LTBP1: variants seen among roughly 807,000 people sequenced by gnomAD.
LTBP1 encodes latent transforming growth factor beta binding protein 1.
LTBP1 carries 129 observed loss-of-function variants against 207.6 expected under a neutral mutation model. The ratio of observed to expected loss-of-function variants is 0.62; its 90% CI spans 0.54 to 0.72. The LOEUF is 0.72. Ranked by LOEUF, LTBP1 falls within the 30% of genes least tolerant of loss-of-function variation. The pLI, the probability that LTBP1 is intolerant of heterozygous loss-of-function variation, is 0.00. For missense variants in LTBP1, 2,281 were observed against 2,217.2 expected (o/e 1.03, Z -0.58); for synonymous variants, 963 against 833.7 (o/e 1.16, Z -2.67).
In LTBP1 at chr2:33,229,648, G is replaced by A. The variant is rs188375507; in HGVS notation, c.1876+7497G>A. 3.0e-4 allele frequency among the ~76,000 whole-genome samples: 46 copies of A among 152,322 alleles called. No individual in the cohort carries two copies. The East Asian group carries it at 8.7e-3, about 29-fold the overall frequency. On this transcript the variant is annotated intron_variant, in intron 9 of 33. Coordinates refer to ENST00000404816, the MANE Select transcript of LTBP1 (RefSeq NM_206943.4). Reference sequence around the variant, plus strand: ...TAATCACTTGCTATCTATTTTGTATGTTAGAATGGAGACTTATTCAAGTAA... The same window carrying A: ...TAATCACTTGCTATCTATTTTGTATATTAGAATGGAGACTTATTCAAGTAA...
chr2:33,057,951 A>T (rs1464734970), intron 3 of LTBP1, among the ~76,000 whole-genome samples: 1 of 152,260 alleles, frequency 6.6e-6, no homozygotes, highest in East Asian at 1.9e-4. Flanking sequence ...GCCAAGAGCG[A>T]GCGAGGGCTG....
chr2:33,321,771 C>T (rs762914935), intron 24 of LTBP1, among the ~76,000 whole-genome samples: 1 of 152,136 alleles, frequency 6.6e-6, no homozygotes, highest in Non-Finnish European at 1.5e-5. Flanking sequence ...AAACTGAAAA[C>T]TGTACTAAGA....
chr2:32,982,384 C>T lies in LTBP1; in HGVS notation c.565+33439C>T, dbSNP rs148717240. On this transcript the variant is annotated intron_variant, in intron 2 of 33. Coordinates refer to ENST00000404816, the MANE Select transcript of LTBP1 (RefSeq NM_206943.4). Reference sequence around the variant, plus strand: ...TATAAAAGTTTGGAAAATTTGCAGCCTGATGATGAAGTAGAAAAGAAAAAC... The same window carrying T: ...TATAAAAGTTTGGAAAATTTGCAGCTTGATGATGAAGTAGAAAAGAAAAAC... Among the ~76,000 whole-genome samples the T allele has an allele frequency of 1.6e-3, 245 of 152,204 alleles. 1 individual carries two copies. The highest frequency in any genetic ancestry group is 5.9e-3 in the African/African-American group (243 of 41,504).
At chr2:33,054,858 T>C (rs941525229) in intron 3 of LTBP1, among the ~76,000 whole-genome samples, 1 of 152,266 alleles carries the variant, frequency 6.6e-6, no homozygotes, top group African/African-American at 2.4e-5. Context: ...GGTTGGGGGC[T>C]TCTGACCCAG....
intron 3 of LTBP1, among the ~76,000 whole-genome samples, chr2:33,062,821 T>C (rs1443550292): frequency 6.6e-6 from 1 of 152,204 alleles, no homozygotes; most frequent in African/African-American, 2.4e-5. Flanking sequence ...GTGTGGGTAG[T>C]ATGTGCAGTG....
At chr2:33,122,541 A>G (rs1013207264) in intron 4 of LTBP1, among the ~76,000 whole-genome samples, 1 of 152,228 alleles carries the variant, frequency 6.6e-6, no homozygotes, top group African/African-American at 2.4e-5. Flanking sequence ...TGTTGACGAA[A>G]TTAGATTAAT....
At chr2:33,226,585 C>A (rs1457376200) in intron 9 of LTBP1, among the ~76,000 whole-genome samples, 1 of 152,186 alleles carries the variant, frequency 6.6e-6, no homozygotes, top group Non-Finnish European at 1.5e-5. Context: ...CTGTAAATTG[C>A]TGGCTAGCTA....
intron 5 of LTBP1, among the ~76,000 whole-genome samples, chr2:33,177,627 C>G (rs2086194877): frequency 6.6e-6 from 1 of 152,140 alleles, no homozygotes; most frequent in African/African-American, 2.4e-5. Flanking sequence ...GAGATCACAC[C>G]ACTACATTCC....
chr2:33,315,082 G>T, intron 23 of LTBP1, 62 bp from the exon 24 acceptor site: 3 of 1,333,520 alleles, frequency 2.2e-6, no homozygotes, highest in East Asian at 2.3e-5. Context: ...CCATCTGTTT[G>T]ATAGTATATG....
chr2:33,165,954 G>A (rs1359985277), intron 5 of LTBP1, among the ~76,000 whole-genome samples: 4 of 151,988 alleles, frequency 2.6e-5, no homozygotes, highest in African/African-American at 4.8e-5. Flanking sequence ...GGTGTAAAAT[G>A]CATTCTTCTT....
In LTBP1 at chr2:33,273,747, C is replaced by G. The variant is rs1346452580; in HGVS notation, c.2709C>G (p.Gly903=). The G allele has an allele frequency of 6.2e-7, 1 of 1,610,060 alleles. No individual in the cohort carries two copies. The highest frequency in any genetic ancestry group is 8.5e-7 in the Non-Finnish European group (1 of 1,178,118). The change falls in exon 16 of 34, where the codon GGC becomes GGG. Residue 903 remains glycine, a synonymous_variant. Coordinates refer to ENST00000404816, the MANE Select transcript of LTBP1 (RefSeq NM_206943.4). ...PVRYTCICYE[G]YRFSEQQRKC... is the part of the protein sequence containing the mutation. ...GATATACCTGTATATGCTACGAGGG[C>G]TACAGGTTCAGTGAACAACAGAGGA...
At chr2:33,242,939 A>C (rs563187812) in intron 9 of LTBP1, among the ~76,000 whole-genome samples, 1 of 152,226 alleles carries the variant, frequency 6.6e-6, no homozygotes, top group African/African-American at 2.4e-5. Flanking sequence ...ATGCAGCCTG[A>C]ATTGTACCAG....
intron 3 of LTBP1, among the ~76,000 whole-genome samples, chr2:33,041,465 G>T (rs1002125048): frequency 7.2e-5 from 11 of 151,952 alleles, no homozygotes; most frequent in Non-Finnish European, 1.6e-4. Context: ...TTGTATTTCA[G>T]TAGAGATAGG....
chr2:33,345,169 T>A (rs535707963), intron 25 of LTBP1, among the ~76,000 whole-genome samples: 10 of 152,388 alleles, frequency 6.6e-5, no homozygotes, highest in African/African-American at 2.4e-4. Flanking sequence ...CTACTCATCC[T>A]TCAGCTATTT....
intron 2 of LTBP1, among the ~76,000 whole-genome samples, chr2:32,972,993 G>C (rs1681141792): frequency 6.6e-6 from 1 of 152,146 alleles, no homozygotes; most frequent in African/African-American, 2.4e-5. Context: ...ATTGTGTTGT[G>C]GGTCCAAGGG....
At chr2:33,277,783 T>TTCTTTCTC in intron 18 of LTBP1, among the ~76,000 whole-genome samples, 1 of 76,690 alleles carries the variant, frequency 1.3e-5, no homozygotes, top group Non-Finnish European at 3.0e-5. Flanking sequence ...CTTTCTTTCT[T>TTCTTTCTC]TCTTTCTTTC....
chr2:33,236,530 C>T (rs1396882683), intron 9 of LTBP1, among the ~76,000 whole-genome samples: 1 of 152,144 alleles, frequency 6.6e-6, no homozygotes, highest in African/African-American at 2.4e-5. Flanking sequence ...CTGGTGTGTC[C>T]TCTTACTATG....
chr2:33,192,649 T>G lies in LTBP1; in HGVS notation c.1701+3798T>G, dbSNP rs543801903. On this transcript the variant is annotated intron_variant, in intron 7 of 33. Coordinates refer to ENST00000404816, the MANE Select transcript of LTBP1 (RefSeq NM_206943.4). The stretch of plus-strand genomic sequence containing the variant: ...TTAAAAAAAAGCCAGATCTAAGAGA[T>G]ATTTTGGGAATAGTTGGGGAAATTT... 3.9e-5 allele frequency among the ~76,000 whole-genome samples: 6 copies of G among 152,336 alleles called. No individual in the cohort carries two copies. In the South Asian group the frequency reaches 8.3e-4, roughly 21 times the overall value.
chr2:32,963,266 G>A (rs1034771311), intron 2 of LTBP1, among the ~76,000 whole-genome samples: 6 of 152,100 alleles, frequency 3.9e-5, no homozygotes, highest in South Asian at 2.1e-4. Flanking sequence ...GAGTAGTGGC[G>A]TGATCATAGC....
Sources: allele counts gnomAD v4.1 joint callset (sites outside exome capture counted in the v4.1 genomes callset), GRCh38; gene constraint gnomAD v4.1.1; transcripts MANE v1.5; gene names NCBI Gene and HGNC (gene_info 2026-07-23, HGNC 2026-07-21).